RGS7: variants seen among roughly 807,000 people sequenced by gnomAD.
RGS7 encodes regulator of G-protein signaling 7.
In RGS7, 27 loss-of-function variants were observed where a neutral mutation model predicts 81.1. That is an observed-to-expected ratio of 0.33 (90% CI 0.25 to 0.46). RGS7 has a LOEUF of 0.46. Among genes scored for constraint, RGS7 ranks in the 20% least tolerant of loss-of-function variants. The pLI, the probability that RGS7 is intolerant of heterozygous loss-of-function variation, is 1.00. For synonymous variants in RGS7, 208 were observed against 207.7 expected, an observed-to-expected ratio of 1.00 and a Z score of -0.01; for missense variants, 396 against 607.4, an observed-to-expected ratio of 0.65 and a Z score of 3.66.
intron 2 of RGS7, among the ~76,000 whole-genome samples, chr1:241,345,560 C>A (rs1012655109): frequency 6.6e-6 from 1 of 152,028 alleles, no homozygotes; most frequent in African/African-American, 2.4e-5. Flanking sequence ...CATTTCTCAA[C>A]GCCTATTTTT....
chr1:240,905,070 T>TA (rs146854591), intron 6 of RGS7, among the ~76,000 whole-genome samples: 3,872 of 152,292 alleles, frequency 0.025, 151 homozygotes, highest in African/African-American at 0.084. Flanking sequence ...ATGCACACCT[T>TA]AAAATCAAAG....
In RGS7 at chr1:241,049,515, G is replaced by T. The variant is rs2061135320; in HGVS notation, c.175+49151C>A. Among the ~76,000 whole-genome samples the T allele has an allele frequency of 2.0e-5, 3 of 152,300 alleles. No homozygotes were observed. The South Asian group carries it at 6.2e-4, about 32-fold the overall frequency. ...TTTGTTAAACTTTCCTCATGACTTT[G>T]CTACAGTGGGTAGTCAGGAGAAAGG... On this transcript the variant is annotated intron_variant, in intron 3 of 18. Transcript: ENST00000440928.
chr1:240,944,104 A>G (rs1051122253), intron 4 of RGS7, among the ~76,000 whole-genome samples: 3 of 151,820 alleles, frequency 2.0e-5, no homozygotes, highest in Admixed American at 2.0e-4. Flanking sequence ...ATGAAAAATC[A>G]TGCTGAAATT....
intron 2 of RGS7, among the ~76,000 whole-genome samples, chr1:241,334,872 T>C (rs1280838443): frequency 6.6e-6 from 1 of 152,200 alleles, no homozygotes; most frequent in Admixed American, 6.5e-5. Context: ...ATAAACCAAA[T>C]ATTTATTTCT....
At chr1:241,141,592 C>G (rs186285840) in intron 2 of RGS7, among the ~76,000 whole-genome samples, 1 of 152,058 alleles carries the variant, frequency 6.6e-6, no homozygotes, top group African/African-American at 2.4e-5. Context: ...CAAGCAAAGG[C>G]GGAAAAGTCC....
intron 4 of RGS7, among the ~76,000 whole-genome samples, chr1:240,967,048 G>A (rs945207137): frequency 6.6e-6 from 1 of 152,170 alleles, no homozygotes; most frequent in African/African-American, 2.4e-5. Context: ...CAGACTTCGG[G>A]AAATGTCCTA....
chr1:241,337,189 G>A (rs549059190), intron 2 of RGS7, among the ~76,000 whole-genome samples: 107 of 152,216 alleles, frequency 7.0e-4, no homozygotes, highest in Non-Finnish European at 1.1e-3. Flanking sequence ...GGCATAAGAT[G>A]GGTTCTCAAA....
chr1:241,220,973 GGA>G (rs1558202847), intron 2 of RGS7, among the ~76,000 whole-genome samples: 7 of 74,534 alleles, frequency 9.4e-5, no homozygotes, highest in Non-Finnish European at 2.8e-5. Flanking sequence ...AAGGAAGGAA[GGA>G]AGGAAGGAAG....
chr1:240,860,140 C>T (rs533340511), intron 9 of RGS7, among the ~76,000 whole-genome samples: 5 of 152,154 alleles, frequency 3.3e-5, no homozygotes, highest in Middle Eastern at 3.4e-3. Context: ...GTGAGTGCTC[C>T]ATGGAAGCTT....
chr1:241,122,854 A>C (rs887762258), intron 2 of RGS7, among the ~76,000 whole-genome samples: 1 of 152,200 alleles, frequency 6.6e-6, no homozygotes, highest in African/African-American at 2.4e-5. Flanking sequence ...AGTGAAAAAC[A>C]CAGTGATCAT....
intron 2 of RGS7, among the ~76,000 whole-genome samples, chr1:241,252,783 A>G (rs2076896126): frequency 1.3e-5 from 2 of 152,154 alleles, no homozygotes; most frequent in African/African-American, 4.8e-5. Flanking sequence ...CACCTCCTCT[A>G]GGCAGAAGTA....
intron 3 of RGS7, among the ~76,000 whole-genome samples, chr1:241,012,973 C>T (rs964391462): frequency 2.6e-5 from 4 of 151,852 alleles, no homozygotes; most frequent in African/African-American, 7.3e-5. Flanking sequence ...ACCTGTGATG[C>T]TACCTCCTCC....
intron 2 of RGS7, among the ~76,000 whole-genome samples, chr1:241,161,719 C>CT (rs140807162): frequency 1.6e-3 from 202 of 129,784 alleles, no homozygotes; most frequent in Middle Eastern, 4.0e-3. Context: ...TGTTTTATTG[C>CT]TTTTTTTTTT....
intron 2 of RGS7, among the ~76,000 whole-genome samples, chr1:241,303,078 T>C (rs553766084): frequency 2.6e-5 from 4 of 152,202 alleles, no homozygotes; most frequent in Non-Finnish European, 5.9e-5. Context: ...ACAGCAGGGC[T>C]TTTATTTCTA....
chr1:240,991,177 GCAGA>G (rs994103724), intron 3 of RGS7, among the ~76,000 whole-genome samples: 3 of 152,178 alleles, frequency 2.0e-5, no homozygotes, highest in Middle Eastern at 3.2e-3. Flanking sequence ...TGTTCCTTGA[GCAGA>G]CATTTTCTCA....
In RGS7 at chr1:241,028,554, G is replaced by A. The variant is rs1309889314; in HGVS notation, c.176-45425C>T. On this transcript the variant is annotated intron_variant, in intron 3 of 18. Transcript: ENST00000440928. Reference sequence around the variant, plus strand: ...ACTGAGATGCCGGTGAAACAGGGAGGAGGAGAGCCAGGAGAGCACGGGATG... The same window carrying A: ...ACTGAGATGCCGGTGAAACAGGGAGAAGGAGAGCCAGGAGAGCACGGGATG... Among the ~76,000 whole-genome samples, 4 of 152,150 alleles carry A rather than the reference G, an allele frequency of 2.6e-5. No individual in the cohort carries two copies. The South Asian group carries it at 8.3e-4, about 32-fold the overall frequency.
intron 3 of RGS7, among the ~76,000 whole-genome samples, chr1:241,089,061 C>CTATATG (rs1354977800): frequency 2.7e-5 from 1 of 36,920 alleles, no homozygotes; most frequent in South Asian, 8.8e-4. Flanking sequence ...CTCTCTCTCT[C>CTATATG]TCTATATATA....
intron 4 of RGS7, among the ~76,000 whole-genome samples, chr1:240,944,396 T>C (rs557554110): frequency 2.4e-4 from 36 of 148,326 alleles, no homozygotes; most frequent in East Asian, 1.4e-3. Context: ...CTAAGTACAG[T>C]GTGAGGAAAC....
At chr1:241,334,957 T>A (rs558929486) in intron 2 of RGS7, among the ~76,000 whole-genome samples, 188 of 152,340 alleles carry the variant, frequency 1.2e-3, no homozygotes, top group Admixed American at 3.9e-3. Flanking sequence ...TCTGCCAGTT[T>A]AATGTTCTGA....
Sources: allele counts gnomAD v4.1 joint callset (sites outside exome capture counted in the v4.1 genomes callset), GRCh38; gene constraint gnomAD v4.1.1; transcripts MANE v1.5; gene names NCBI Gene and HGNC (gene_info 2026-07-23, HGNC 2026-07-21).